The following SNX10 variants were observed in gnomAD, a reference collection of about 807,000 sequenced individuals.
The protein encoded by SNX10 is sorting nexin 10, also known as sorting nexin-10.
Under a neutral mutation model 28.5 loss-of-function variants are expected in SNX10, and 25 were observed. That is an observed-to-expected ratio of 0.88 (90% CI 0.64 to 1.22). The LOEUF is 1.22. Among genes scored for constraint, SNX10 ranks in the 50% most tolerant of loss-of-function variants. The pLI is 0.00. For missense variants in SNX10, 223 were observed against 242.6 expected, an observed-to-expected ratio of 0.92 and a Z score of 0.54; for synonymous variants, 62 against 81.4, an observed-to-expected ratio of 0.76 and a Z score of 1.28.
chr7:26,341,463 A>ATCCAT (rs1788174105), intron 1 of SNX10, among the ~76,000 whole-genome samples: 5 of 151,432 alleles, frequency 3.3e-5, no homozygotes, highest in Non-Finnish European at 7.4e-5. Context: ...TACTTGGCAT[A>ATCCAT]ACAGTCTTTC....
At chr7:26,354,189 GTATGA>G (rs1788725985) in intron 2 of SNX10, 1 of 152,232 alleles carries the variant, frequency 6.6e-6, no homozygotes, top group Admixed American at 6.5e-5. Context: ...TAATAGGTAT[GTATGA>G]TATATCATTG....
chr7:26,329,916 G>A (rs559348894), intron 1 of SNX10, among the ~76,000 whole-genome samples: 14 of 152,260 alleles, frequency 9.2e-5, no homozygotes, highest in African/African-American at 2.2e-4. Context: ...TGCAGAGGGA[G>A]GGCATGTGAC....
rs548762563 is a variant in SNX10, at chr7:26,311,432, A to G, written c.-24+19346A>G. ...TCCAAAAGTGCCACTGCACCTGGCC[A>G]GTGGCTTAAAATTTTTTTCTATCAT... On this transcript the variant is annotated intron_variant, in intron 1 of 6. Transcript: ENST00000338523. 1.1e-3 allele frequency among the ~76,000 whole-genome samples: 175 copies of G among 152,304 alleles called. 1 individual carries two copies. Among genetic ancestry groups the G allele is most frequent in the African/African-American group, 4.1e-3 (171 of 41,568 alleles).
intron 1 of SNX10, among the ~76,000 whole-genome samples, chr7:26,339,074 C>G (rs13243639): frequency 2.0e-5 from 3 of 152,166 alleles, no homozygotes; most frequent in Non-Finnish European, 4.4e-5. Flanking sequence ...GACTGGACCC[C>G]AGGCAAGAAA....
intron 2 of SNX10, among the ~76,000 whole-genome samples, chr7:26,353,465 G>GGGC (rs1554359938): frequency 2.1e-5 from 3 of 141,460 alleles, no homozygotes; most frequent in Non-Finnish European, 4.6e-5. Context: ...TTTTTTGGTG[G>GGGC]GGAGACAGAG....
At chr7:26,342,061 T>C (rs924257776) in intron 1 of SNX10, among the ~76,000 whole-genome samples, 4 of 100,988 alleles carry the variant, frequency 4.0e-5, no homozygotes, top group African/African-American at 1.6e-4. Context: ...AGTCTTGCTC[T>C]TGTTGCCCAG....
At chr7:26,297,898 G>T (rs181981073) in intron 1 of SNX10, among the ~76,000 whole-genome samples, 340 of 152,152 alleles carry the variant, frequency 2.2e-3, no homozygotes, top group Non-Finnish European at 4.0e-3. Context: ...TTTTTAAAAA[G>T]TAAGGAAGAA....
chr7:26,357,387 A>G (rs1040439118), intron 2 of SNX10, among the ~76,000 whole-genome samples: 2 of 150,618 alleles, frequency 1.3e-5, no homozygotes, highest in Non-Finnish European at 3.0e-5. Context: ...AGAACAGCTT[A>G]GTTAAAGGCA....
At chr7:26,371,794 T>C (rs772277319) in intron 5 of SNX10, 27 bp from the exon 6 acceptor site, 5 of 1,518,592 alleles carry the variant, frequency 3.3e-6, no homozygotes, top group South Asian at 1.2e-5. Flanking sequence ...TGTTCACCAA[T>C]TATTTTTCCT....
At chr7:26,324,989 G>A (rs1433085528) in intron 1 of SNX10, among the ~76,000 whole-genome samples, 5 of 151,944 alleles carry the variant, frequency 3.3e-5, no homozygotes, top group Non-Finnish European at 5.9e-5. Flanking sequence ...TAGGGATACC[G>A]TGGAGACATT....
chr7:26,303,983 T>C (rs1038696552), intron 1 of SNX10, among the ~76,000 whole-genome samples: 1 of 152,244 alleles, frequency 6.6e-6, no homozygotes, highest in Non-Finnish European at 1.5e-5. Flanking sequence ...CATTTCATAT[T>C]AACTTGCCCA....
intron 1 of SNX10, among the ~76,000 whole-genome samples, chr7:26,305,070 T>A (rs1266719606): frequency 6.6e-6 from 1 of 152,166 alleles, no homozygotes; most frequent in Non-Finnish European, 1.5e-5. Flanking sequence ...CCTTCCCTCA[T>A]GGATGGAGAA....
At position 26,344,633 on chromosome 7, in the gene SNX10, T is replaced by G. The variant is rs78274203; in HGVS notation, c.-23-1787T>G. ...GTGTCCTTTCCTATCAGTTCCACAT[T>G]ATAATTAGGAAGTCGCCTCCAAAGC... On this transcript the variant is annotated intron_variant, in intron 1 of 6. Transcript: ENST00000338523. Among the ~76,000 whole-genome samples the G allele has an allele frequency of 2.0e-3, 307 of 152,284 alleles. 1 individual carries two copies. Among genetic ancestry groups the G allele is most frequent in the African/African-American group, 6.9e-3 (287 of 41,568 alleles).
At chr7:26,332,208 A>G (rs1787775047) in intron 1 of SNX10, among the ~76,000 whole-genome samples, 1 of 152,188 alleles carries the variant, frequency 6.6e-6, no homozygotes, top group African/African-American at 2.4e-5. Flanking sequence ...CCAGTAGTGT[A>G]TGAAGGTTCT....
chr7:26,299,201 AT>A (rs796316810), intron 1 of SNX10, among the ~76,000 whole-genome samples: 31 of 147,224 alleles, frequency 2.1e-4, no homozygotes, highest in African/African-American at 2.5e-4. Flanking sequence ...GATTTCAGCA[AT>A]TTTTTTTTTT....
At chr7:26,350,662 T>TTCC (rs3839814) in intron 2 of SNX10, among the ~76,000 whole-genome samples, 45,494 of 147,028 alleles carry the variant, frequency 0.31, 7,753 homozygotes, top group South Asian at 0.53. Context: ...CCCTCCTTTC[T>TTCC]TCCTCCCTTT....
chr7:26,367,711 A>T (rs1318823021), intron 5 of SNX10, among the ~76,000 whole-genome samples: 1 of 151,990 alleles, frequency 6.6e-6, no homozygotes, highest in Non-Finnish European at 1.5e-5. Flanking sequence ...AGGGAACTGG[A>T]TGTGATGTGT....
chr7:26,325,306 AATATATATATATAT>A (rs149785859), intron 1 of SNX10, among the ~76,000 whole-genome samples: 1 of 51,334 alleles, frequency 1.9e-5, no homozygotes, highest in Admixed American at 1.7e-4. Context: ...AAGTTTGCAA[AATATATATATATAT>A]ATATATATTT....
chr7:26,320,210 G>T (rs1787257636), intron 1 of SNX10, among the ~76,000 whole-genome samples: 2 of 151,774 alleles, frequency 1.3e-5, no homozygotes, highest in South Asian at 4.1e-4. Flanking sequence ...CCCAACTCTT[G>T]ACCTCAAGTG....
Sources: gnomAD v4.1 joint callset for allele counts (sites outside exome capture counted in the v4.1 genomes callset) on GRCh38, gnomAD v4.1.1 for gene constraint, MANE v1.5 for transcripts, NCBI Gene and HGNC (gene_info 2026-07-23, HGNC 2026-07-21) for gene names.